The following SHROOM4 variants were observed in gnomAD, a reference collection of about 807,000 sequenced individuals.
The protein encoded by SHROOM4 is protein Shroom4.
Under a neutral mutation model 80.3 loss-of-function variants are expected in SHROOM4, and 17 were observed. That is an observed-to-expected ratio of 0.21 (90% confidence interval 0.14 to 0.32). The LOEUF is 0.32. Among genes scored for constraint, SHROOM4 ranks in the 10% least tolerant of loss-of-function variants. SHROOM4 has a pLI of 1.00. For missense variants in SHROOM4, 993 were observed against 1,140.3 expected, an observed-to-expected ratio of 0.87 and a Z score of 1.86; for synonymous variants, 400 against 437.5, an observed-to-expected ratio of 0.91 and a Z score of 1.07.
At chrX:50,722,646 ATC>A (rs371067544) in intron 1 of SHROOM4, among the ~76,000 whole-genome samples, 124 of 105,170 alleles carry the variant, frequency 1.2e-3, no homozygotes, top group African/African-American at 3.5e-3. Flanking sequence ...CCTTCCTTTC[ATC>A]TCTCTCTCTC....
At chrX:50,639,487 GATAA>G (rs1193828935) in intron 2 of SHROOM4, among the ~76,000 whole-genome samples, 5 of 111,906 alleles carry the variant, frequency 4.5e-5, no homozygotes, top group African/African-American at 1.6e-4. Flanking sequence ...AAAGAAACAT[GATAA>G]ATAAGTAGAT....
At chrX:50,685,338 T>C (rs1444459427) in intron 2 of SHROOM4, among the ~76,000 whole-genome samples, 2 of 110,906 alleles carry the variant, frequency 1.8e-5, no homozygotes, top group African/African-American at 3.3e-5. Flanking sequence ...AGGGGGTTGG[T>C]TGGGTAAGGG....
At chrX:50,681,091 A>G (rs782074205) in intron 2 of SHROOM4, among the ~76,000 whole-genome samples, 1 of 110,828 alleles carries the variant, frequency 9.0e-6, no homozygotes, top group Admixed American at 9.7e-5. Flanking sequence ...ACTTTTTACC[A>G]TCTCCATCAC....
chrX:50,814,118 A>AC lies in SHROOM4; in HGVS notation c.-101dup. ...CACCATCGCCCTCCAGCTCTACGCC[A>AC]CCCCGCACCGCCCTGCTCCGCCTAC... On this transcript the variant is annotated 5_prime_UTR_variant, in exon 1 of 9. Transcript: ENST00000376020. 1.8e-6 allele frequency: 1 copy of AC among 565,288 alleles called. No homozygotes were observed. 46.6% of individuals were successfully genotyped at this position (565,288 alleles called of 1,213,427 possible).
intron 4 of SHROOM4, among the ~76,000 whole-genome samples, chrX:50,632,031 AG>A (rs1931092831): frequency 8.9e-6 from 1 of 111,797 alleles, no homozygotes; most frequent in Non-Finnish European, 1.9e-5. Context: ...GCTGTCTAGG[AG>A]CCTTGCTATA....
chrX:50,802,439 A>G (rs782530000), intron 1 of SHROOM4, among the ~76,000 whole-genome samples: 16 of 111,771 alleles, frequency 1.4e-4, no homozygotes, highest in African/African-American at 5.2e-4. Context: ...GGTCTTCCCA[A>G]TTCCCATAAT....
chrX:50,603,625 A>G (rs957591231), intron 6 of SHROOM4, among the ~76,000 whole-genome samples: 3 of 111,860 alleles, frequency 2.7e-5, no homozygotes, highest in African/African-American at 9.8e-5. Context: ...AACCAGTGGC[A>G]CCCAGGGGCT....
chrX:50,770,860 T>C (rs73483772), intron 1 of SHROOM4, among the ~76,000 whole-genome samples: 13,908 of 111,318 alleles, frequency 0.12, 1,715 homozygotes, highest in African/African-American at 0.38. Context: ...AGCATCATTC[T>C]TGGATGAATG....
chrX:50,617,256 T>C (rs1930279070), intron 5 of SHROOM4, among the ~76,000 whole-genome samples: 1 of 112,436 alleles, frequency 8.9e-6, no homozygotes, highest in African/African-American at 3.2e-5. Context: ...GGATGAACTA[T>C]GTAAAAAGGA....
At position 50,727,925 on chromosome X, in the gene SHROOM4, A is replaced by G. The variant is rs192930090; in HGVS notation, c.118-31988T>C. 4.4e-3 allele frequency among the ~76,000 whole-genome samples: 490 copies of G among 112,131 alleles called. 2 individuals are homozygous for G. The highest frequency in any genetic ancestry group is 7.5e-3 in the Non-Finnish European group (399 of 53,261). Reference sequence around the variant, plus strand: ...GGTAATAAAAACAGAAGGCTTTAGCAGTTCTGCCTGAGGGGATTGACTTTA... The same window carrying G: ...GGTAATAAAAACAGAAGGCTTTAGCGGTTCTGCCTGAGGGGATTGACTTTA... On this transcript the variant is annotated intron_variant, in intron 1 of 8. Transcript: ENST00000376020.
At position 50,594,540 on chromosome X, in the gene SHROOM4, C is replaced by T. The variant is rs1929015175; in HGVS notation, c.*2155G>A. 9.0e-6 allele frequency: 1 copy of T among 111,512 alleles called. No individual in the cohort carries two copies. The highest frequency in any genetic ancestry group is 1.9e-5 in the Non-Finnish European group (1 of 53,103). The allele number at this position is 111,512 out of a possible 1,213,427, so 9.2% of individuals were successfully genotyped here. On this transcript the variant is annotated 3_prime_UTR_variant, in exon 9 of 9. Transcript: ENST00000376020. ...AAACTCAAGACTATGGCCATAGTGT[C>T]CAGGTAAGTGACCGTTCTTTTCCCT...
Position 50,702,859 on chromosome X carries a change from T to C in SHROOM4, c.118-6922A>G, listed in dbSNP as rs147312785. ...AAAAGAGGGTAGATTATGGGGGCAGTTTCCCCAATGCTGTTCTTGTGATAG... is the reference window on the plus strand; with the variant it reads ...AAAAGAGGGTAGATTATGGGGGCAGCTTCCCCAATGCTGTTCTTGTGATAG... On this transcript the variant is annotated intron_variant, in intron 1 of 8. Transcript: ENST00000376020. 6.7e-4 allele frequency among the ~76,000 whole-genome samples: 75 copies of C among 112,065 alleles called. 1 individual carries two copies. In the East Asian group the frequency reaches 0.019, roughly 29 times the overall value.
intron 2 of SHROOM4, among the ~76,000 whole-genome samples, chrX:50,695,156 A>G (rs1169753218): frequency 2.7e-5 from 3 of 111,222 alleles, no homozygotes; most frequent in African/African-American, 9.8e-5. Flanking sequence ...TATTTTTCAA[A>G]TTATACTCAC....
Position 50,638,260 on chromosome X carries a change from C to T in SHROOM4, c.318G>A (p.Leu106=), listed in dbSNP as rs782515906. The change falls in exon 3 of 9, where the codon CTG becomes CTA. Residue 106 remains leucine, a synonymous_variant. Coordinates refer to ENST00000376020, the MANE Select transcript of SHROOM4 (RefSeq NM_020717.5). Reference sequence around the variant, plus strand: ...TGGCTGCTTCAGGGCATCCCTCCAGCAGCTTGGCCACATGCCATGAGTGCG... The same window carrying T: ...TGGCTGCTTCAGGGCATCCCTCCAGTAGCTTGGCCACATGCCATGAGTGCG... ...SRPHSWHVAK[L]LEGCPEAATT... 8.3e-7 allele frequency: 1 copy of T among 1,210,060 alleles called. No homozygotes were observed. Among genetic ancestry groups the T allele is most frequent in the East Asian group, 3.0e-5 (1 of 33,745 alleles).
chrX:50,805,303 G>A (rs138343035), intron 1 of SHROOM4, among the ~76,000 whole-genome samples: 16 of 111,225 alleles, frequency 1.4e-4, no homozygotes, highest in East Asian at 2.8e-4. Context: ...CTTATGGACC[G>A]TGAAAGGCAG....
chrX:50,724,115 G>A (rs1934192940), intron 1 of SHROOM4, among the ~76,000 whole-genome samples: 1 of 110,435 alleles, frequency 9.1e-6, no homozygotes, highest in Non-Finnish European at 1.9e-5. Context: ...CCCTTACCCC[G>A]CTCAACGCCA....
At chrX:50,769,866 C>T (rs1003427997) in intron 1 of SHROOM4, among the ~76,000 whole-genome samples, 7 of 110,958 alleles carry the variant, frequency 6.3e-5, no homozygotes, top group Non-Finnish European at 1.1e-4. Context: ...CCATTCAAAA[C>T]CTCTGCTTAA....
At chrX:50,770,565 T>C (rs1935375454) in intron 1 of SHROOM4, among the ~76,000 whole-genome samples, 1 of 112,419 alleles carries the variant, frequency 8.9e-6, no homozygotes. Context: ...AGTGATTTCA[T>C]ACTAATGCAG....
Position 50,695,944 on chromosome X carries a change from T to G in SHROOM4, c.118-7A>C. 2 of 1,211,685 alleles carry G rather than the reference T, an allele frequency of 1.7e-6. No individual in the cohort carries two copies. Among genetic ancestry groups the G allele is most frequent in the Non-Finnish European group, 1.1e-6 (1 of 895,412 alleles). The stretch of plus-strand genomic sequence containing the variant: ...CCTTGCCTCCATCTTCAATCTGTGT[T>G]GCAGAGAACAAAACAGAAAGCAGGT... On this transcript the variant is annotated splice_polypyrimidine_tract_variant and splice_region_variant and intron_variant, in intron 1 of 8. Transcript: ENST00000376020.
Sources: allele counts gnomAD v4.1 joint callset (sites outside exome capture counted in the v4.1 genomes callset), GRCh38; gene constraint gnomAD v4.1.1; transcripts MANE v1.5; gene names NCBI Gene and HGNC (gene_info 2026-07-23, HGNC 2026-07-21).